The following CELF5 variants were observed in gnomAD, a reference collection of about 807,000 sequenced individuals.
CELF5 encodes CUG-BP and ETR-3 like factor 5.
In CELF5, 6 loss-of-function variants were observed where a neutral mutation model predicts 54.9. That is an observed-to-expected ratio of 0.11 (90% CI 0.06 to 0.22). The LOEUF is 0.22. Ranked by LOEUF, CELF5 falls within the 10% of genes least tolerant of loss-of-function variation. CELF5 has a pLI of 1.00. For synonymous variants in CELF5, 271 were observed against 290.9 expected, an observed-to-expected ratio of 0.93 and a Z score of 0.70; for missense variants, 401 against 678.6, an observed-to-expected ratio of 0.59 and a Z score of 4.54.
At chr19:3,260,858 G>C (rs182523103) in intron 2 of CELF5, among the ~76,000 whole-genome samples, 2 of 151,644 alleles carry the variant, frequency 1.3e-5, no homozygotes, top group African/African-American at 4.8e-5. Flanking sequence ...TCCTGACCTC[G>C]TGATCTGCCC....
rs934969789 is a variant in CELF5, at chr19:3,228,071, A to G, written c.259+3073A>G. 1.3e-5 allele frequency among the ~76,000 whole-genome samples: 2 copies of G among 151,904 alleles called. No homozygotes were observed. The highest frequency in any genetic ancestry group is 4.8e-5 in the African/African-American group (2 of 41,334). On this transcript the variant is annotated intron_variant, in intron 1 of 12. Transcript: ENST00000292672. The surrounding 1 kb of genome is among the most constrained non-coding windows in gnomAD (Gnocchi z 6.0). The stretch of plus-strand genomic sequence containing the variant: ...AGGGATGCGTCGAGGTGGTCTTCCG[A>G]AAGAGGGCAGGCCCTGGGGCGCTGG...
intron 1 of CELF5, among the ~76,000 whole-genome samples, chr19:3,239,833 C>T (rs1484205670): frequency 6.6e-6 from 1 of 152,068 alleles, no homozygotes; most frequent in Admixed American, 6.6e-5. Context: ...GCACTCCAGT[C>T]CCTTCTTCGT....
intron 2 of CELF5, among the ~76,000 whole-genome samples, chr19:3,262,329 A>G (rs1007182183): frequency 6.6e-6 from 1 of 151,996 alleles, no homozygotes; most frequent in Non-Finnish European, 1.5e-5. Context: ...GCGCCCGGCC[A>G]AGAAACTGAT....
intron 2 of CELF5, among the ~76,000 whole-genome samples, chr19:3,254,606 C>T (rs552506746): frequency 6.6e-6 from 1 of 151,300 alleles, no homozygotes; most frequent in South Asian, 2.1e-4. Context: ...TCCATGCATT[C>T]ATTCACCCAT....
chr19:3,285,025 C>T, intron 9 of CELF5, 61 bp downstream of exon 9: 3 of 1,315,194 alleles, frequency 2.3e-6, no homozygotes, highest in Non-Finnish European at 3.2e-6. Flanking sequence ...AGGGCCCCGC[C>T]CCCAGGGCCC....
intron 2 of CELF5, among the ~76,000 whole-genome samples, chr19:3,269,344 T>A (rs1464441705): frequency 6.6e-6 from 1 of 152,038 alleles, no homozygotes; most frequent in Admixed American, 6.6e-5. Flanking sequence ...CCTAGCTAAT[T>A]TTTTTGTATT....
At chr19:3,267,756 G>A (rs570704250) in intron 2 of CELF5, among the ~76,000 whole-genome samples, 5 of 152,180 alleles carry the variant, frequency 3.3e-5, no homozygotes, top group African/African-American at 1.2e-4. Context: ...CTGCTCAGAC[G>A]TGGCAGCTGC....
rs552813377 is a variant in CELF5, at chr19:3,248,601, C to T, written c.260-2384C>T. ...ACTGTGTGGGTCGACCGTATTGTAT[C>T]GATCCCTTCATCTGTGAATGGACGC... On this transcript the variant is annotated intron_variant, in intron 1 of 12. Coordinates refer to ENST00000292672, the MANE Select transcript of CELF5 (RefSeq NM_021938.4). Among the ~76,000 whole-genome samples the T allele has an allele frequency of 3.3e-5, 5 of 152,252 alleles. No individual in the cohort carries two copies. The South Asian group carries it at 1.0e-3, about 32-fold the overall frequency.
intron 2 of CELF5, among the ~76,000 whole-genome samples, chr19:3,269,736 C>T (rs1226763718): frequency 6.6e-6 from 1 of 152,186 alleles, no homozygotes; most frequent in Non-Finnish European, 1.5e-5. Flanking sequence ...GGAGGGATGT[C>T]TAGGTCCTTA....
At chr19:3,226,008 C>A (rs1362161926) in intron 1 of CELF5, among the ~76,000 whole-genome samples, 1 of 152,132 alleles carries the variant, frequency 6.6e-6, no homozygotes, top group Non-Finnish European at 1.5e-5. Flanking sequence ...GCAATTGTAT[C>A]CCCAGCCCTT....
At chr19:3,271,713 A>G (rs942707526) in intron 2 of CELF5, among the ~76,000 whole-genome samples, 1 of 151,426 alleles carries the variant, frequency 6.6e-6, no homozygotes, top group African/African-American at 2.4e-5. Context: ...AGGGAAGCTG[A>G]GGGGGTGGGA....
At chr19:3,254,087 G>A (rs1004162313) in intron 2 of CELF5, among the ~76,000 whole-genome samples, 10 of 152,268 alleles carry the variant, frequency 6.6e-5, no homozygotes, top group Admixed American at 4.6e-4. Flanking sequence ...GAAGGACCAA[G>A]AGCCACGAAA....
chr19:3,284,308 T>C (rs2080198493), intron 8 of CELF5, among the ~76,000 whole-genome samples: 1 of 152,162 alleles, frequency 6.6e-6, no homozygotes, highest in Non-Finnish European at 1.5e-5. Flanking sequence ...GCCACCCCTT[T>C]GAAGTCACAG....
intron 2 of CELF5, among the ~76,000 whole-genome samples, chr19:3,257,079 G>T (rs970664416): frequency 6.6e-6 from 1 of 152,176 alleles, no homozygotes; most frequent in Admixed American, 6.6e-5. Flanking sequence ...AAAGTGCTGG[G>T]ATTACAAGCG....
At chr19:3,238,151 C>T (rs112999681) in intron 1 of CELF5, among the ~76,000 whole-genome samples, 23,412 of 152,000 alleles carry the variant, frequency 0.15, 2,058 homozygotes, top group East Asian at 0.24. Flanking sequence ...GTCAGGAGTT[C>T]AAGACCCAGC....
intron 1 of CELF5, among the ~76,000 whole-genome samples, chr19:3,232,605 A>T (rs1191828112): frequency 1.3e-5 from 2 of 152,098 alleles, no homozygotes; most frequent in Non-Finnish European, 2.9e-5. Context: ...CTGAATAATG[A>T]CTTGCATATT....
At chr19:3,287,034 C>CAAAAA (rs55661552) in intron 10 of CELF5, among the ~76,000 whole-genome samples, 25 of 103,118 alleles carry the variant, frequency 2.4e-4, no homozygotes, top group South Asian at 6.5e-4. Flanking sequence ...GACTCCGTCT[C>CAAAAA]AAAAAAAAAA....
At position 3,278,082 on chromosome 19, in the gene CELF5, A is replaced by G; in HGVS notation, c.575A>G (p.His192Arg). 1.9e-6 allele frequency: 3 copies of G among 1,596,620 alleles called. No homozygotes were observed. Among genetic ancestry groups the G allele is most frequent in the Non-Finnish European group, 2.6e-6 (3 of 1,171,308 alleles). ...SSHTEAQAAI[H>R]ALHGSQTMPG... ...CACACGGAGGCGCAGGCGGCCATCCACGCCTTGCATGGGAGCCAGACCATG... is the reference window on the plus strand; with the variant it reads ...CACACGGAGGCGCAGGCGGCCATCCGCGCCTTGCATGGGAGCCAGACCATG... The change falls in exon 5 of 13, where the codon CAC becomes CGC. Residue 192 changes from histidine to arginine, a missense_variant. This residue lies in a region of CELF5 where 87 missense variants were observed against 190.2 expected (regional missense o/e 0.46). Transcript: ENST00000292672. This position sits in a 1 kb window ranked among gnomAD's most constrained non-coding sequence, Gnocchi z 4.5.
At chr19:3,234,048 T>G (rs938493242) in intron 1 of CELF5, among the ~76,000 whole-genome samples, 1 of 152,104 alleles carries the variant, frequency 6.6e-6, no homozygotes, top group African/African-American at 2.4e-5. Flanking sequence ...GGTCTTTATA[T>G]CCAAGAGGAT....
Sources: gnomAD v4.1 joint callset for allele counts (sites outside exome capture counted in the v4.1 genomes callset) on GRCh38, gnomAD v4.1.1 for gene constraint, gnomAD v4.1.1 regional missense constraint, Gnocchi (gnomAD v3.1) non-coding constraint, MANE v1.5 for transcripts, NCBI Gene and HGNC (gene_info 2026-07-23, HGNC 2026-07-21) for gene names.